PLA2G4A: variants seen among roughly 807,000 people sequenced by gnomAD.
PLA2G4A encodes phospholipase A2 group IVA.
PLA2G4A carries 40 observed loss-of-function variants against 81.9 expected under a neutral mutation model. The observed-to-expected ratio is 0.49, with a 90% confidence interval of 0.38 to 0.64. The LOEUF (loss-of-function observed/expected upper bound fraction) is 0.64. Ranked by LOEUF, PLA2G4A falls within the 30% of genes least tolerant of loss-of-function variation. The pLI, the probability that PLA2G4A is intolerant of heterozygous loss-of-function variation, is 0.00. For missense variants in PLA2G4A, 715 were observed against 905.1 expected (o/e 0.79, Z 2.69); for synonymous variants, 302 against 296.9 (o/e 1.02, Z -0.18).
chr1:186,886,777 T>A (rs1333267070), intron 3 of PLA2G4A, among the ~76,000 whole-genome samples: 1 of 152,196 alleles, frequency 6.6e-6, no homozygotes, highest in Non-Finnish European at 1.5e-5. Flanking sequence ...ATGACTGGAC[T>A]GGGCTTAATC....
Position 186,955,082 on chromosome 1 carries a change from G to A in PLA2G4A, c.1337-1020G>A, listed in dbSNP as rs1555202. On this transcript the variant is annotated intron_variant, in intron 13 of 17. Coordinates refer to ENST00000367466, the MANE Select transcript of PLA2G4A (RefSeq NM_024420.3). ...AGACCCAAGGATTCTGATTCTGGAG[G>A]CAGTGCTATAAATGACCATACAATA... Among the ~76,000 whole-genome samples, 29 of 152,272 alleles carry A rather than the reference G, an allele frequency of 1.9e-4. No individual in the cohort carries two copies. In the South Asian group the frequency reaches 5.8e-3, roughly 30 times the overall value.
At chr1:186,950,477 G>A (rs2102241271) in intron 12 of PLA2G4A, among the ~76,000 whole-genome samples, 180 bp from the exon 13 acceptor site, 1 of 152,140 alleles carries the variant, frequency 6.6e-6, no homozygotes, top group African/African-American at 2.4e-5. Context: ...TGTTTCCAGT[G>A]AGAAATCTGA....
intron 14 of PLA2G4A, among the ~76,000 whole-genome samples, chr1:186,959,173 G>A (rs1571443952): frequency 6.8e-6 from 1 of 147,422 alleles, no homozygotes; most frequent in African/African-American, 2.5e-5. Flanking sequence ...CTGCACTCCA[G>A]CCTGGGCAAC....
chr1:186,936,598 C>T (rs907394940), intron 8 of PLA2G4A, among the ~76,000 whole-genome samples: 2 of 151,920 alleles, frequency 1.3e-5, no homozygotes, highest in Non-Finnish European at 2.9e-5. Flanking sequence ...CTTTTTTAAG[C>T]ACAAAAATTC....
At chr1:186,924,949 G>A (rs4651339) in intron 7 of PLA2G4A, among the ~76,000 whole-genome samples, 38,593 of 151,822 alleles carry the variant, frequency 0.25, 5,411 homozygotes, top group Admixed American at 0.4. Context: ...TTGGGAGGCT[G>A]AGGCAGGAGG....
At chr1:186,976,489 A>G (rs1183749542) in intron 15 of PLA2G4A, among the ~76,000 whole-genome samples, 1 of 152,186 alleles carries the variant, frequency 6.6e-6, no homozygotes, top group African/African-American at 2.4e-5. Flanking sequence ...GTAAAGTATT[A>G]ATTTATTTAA....
chr1:186,854,218 C>CACCA lies in PLA2G4A; in HGVS notation c.-69-67_-69-66insCCAA. 7.6e-6 allele frequency: 5 copies of CACCA among 656,414 alleles called. No homozygotes were observed. In the South Asian group the frequency reaches 9.1e-5, roughly 12 times the overall value. The allele number at this position is 656,414 out of a possible 1,614,324, so 40.7% of individuals were successfully genotyped here. ...ACTTTTTCTTCCTAAGACGCATACTCATAATTGTTTAAATCTTAGAACTGC... is the reference window on the plus strand; with the variant it reads ...ACTTTTTCTTCCTAAGACGCATACTCACCAATAATTGTTTAAATCTTAGAACTGC... On this transcript the variant is annotated intron_variant, in intron 1 of 17. Coordinates refer to ENST00000367466, the MANE Select transcript of PLA2G4A (RefSeq NM_024420.3).
intron 2 of PLA2G4A, among the ~76,000 whole-genome samples, chr1:186,863,165 G>A (rs1652878246): frequency 6.6e-6 from 1 of 152,112 alleles, no homozygotes; most frequent in African/African-American, 2.4e-5. Flanking sequence ...GAACTCCTGG[G>A]CTCAAGCGAT....
intron 1 of PLA2G4A, among the ~76,000 whole-genome samples, chr1:186,832,890 G>C (rs1558341597): frequency 6.6e-6 from 1 of 152,126 alleles, no homozygotes; most frequent in Non-Finnish European, 1.5e-5. Context: ...CATTTTTGGA[G>C]GGTTATTTTT....
At chr1:186,846,452 A>G (rs1467869052) in intron 1 of PLA2G4A, among the ~76,000 whole-genome samples, 1 of 152,188 alleles carries the variant, frequency 6.6e-6, no homozygotes, top group Non-Finnish European at 1.5e-5. Flanking sequence ...TTATTTTGAA[A>G]TAATTTAAGA....
intron 6 of PLA2G4A, 106 bp downstream of exon 6, chr1:186,907,108 T>C (rs559669290): frequency 8.8e-6 from 6 of 682,320 alleles, no homozygotes; most frequent in South Asian, 3.4e-5. Context: ...TGTGAACATA[T>C]AGAAGTGCAT....
rs772373430 is a variant in PLA2G4A at position 186,961,208 on chromosome 1, G to A, written c.1580-4201G>A. On this transcript the variant is annotated intron_variant, in intron 14 of 17. Transcript: ENST00000367466. ...GGGGAGGAGGCAGTAGATGGAGAAAGAGGCGACCTTGCTCAAAGGGTAGAA... is the reference window on the plus strand; with the variant it reads ...GGGGAGGAGGCAGTAGATGGAGAAAAAGGCGACCTTGCTCAAAGGGTAGAA... 2.0e-4 allele frequency among the ~76,000 whole-genome samples: 30 copies of A among 152,094 alleles called. 1 individual carries two copies. The highest frequency in any genetic ancestry group is 7.9e-4 in the Admixed American group (12 of 15,266).
intron 2 of PLA2G4A, among the ~76,000 whole-genome samples, chr1:186,857,330 A>G (rs1273279009): frequency 4.2e-5 from 5 of 119,872 alleles, no homozygotes; most frequent in Non-Finnish European, 8.2e-5. Flanking sequence ...TATAATATAA[A>G]TATAATATTA....
chr1:186,984,425 A>G (rs1233128047), intron 17 of PLA2G4A, among the ~76,000 whole-genome samples: 1 of 152,222 alleles, frequency 6.6e-6, no homozygotes, highest in African/African-American at 2.4e-5. Context: ...GCATAGTCTT[A>G]GAACCAGTTA....
At position 186,889,156 on chromosome 1, in the gene PLA2G4A, C is replaced by T. The variant is rs374353633; in HGVS notation, c.116-3855C>T. Among the ~76,000 whole-genome samples the T allele has an allele frequency of 1.8e-3, 268 of 152,224 alleles. 1 individual carries two copies. Among genetic ancestry groups the T allele is most frequent in the African/African-American group, 6.3e-3 (262 of 41,530 alleles). ...CTTTGGCCCATTTCACCTTATCATC[C>T]TTCCCACTCAATCTTTTTGTTCTCT... is the stretch of plus-strand genomic sequence containing the variant. On this transcript the variant is annotated intron_variant, in intron 3 of 17. Coordinates refer to ENST00000367466, the MANE Select transcript of PLA2G4A (RefSeq NM_024420.3).
At chr1:186,884,892 CAAAA>C (rs59150767) in intron 3 of PLA2G4A, among the ~76,000 whole-genome samples, 6 of 133,760 alleles carry the variant, frequency 4.5e-5, no homozygotes, top group Admixed American at 1.5e-4. Flanking sequence ...ATCCTGTCTT[CAAAA>C]AAAAAAAAAA....
chr1:186,870,318 ATGTTTC>A (rs1653211296), intron 2 of PLA2G4A, 111 bp from the exon 3 acceptor site: 1 of 714,958 alleles, frequency 1.4e-6, no homozygotes, highest in South Asian at 1.5e-5. Flanking sequence ...ACATCAAAGA[ATGTTTC>A]TGGTATGCAT....
intron 7 of PLA2G4A, among the ~76,000 whole-genome samples, chr1:186,912,650 A>G (rs893041096): frequency 6.8e-6 from 1 of 147,208 alleles, no homozygotes; most frequent in African/African-American, 2.6e-5. Context: ...AGCACATTTC[A>G]TTTTAGTACT....
At chr1:186,878,445 T>C (rs1467507552) in intron 3 of PLA2G4A, among the ~76,000 whole-genome samples, 1 of 151,052 alleles carries the variant, frequency 6.6e-6, no homozygotes, top group Non-Finnish European at 1.5e-5. Context: ...GGTTTTGGAA[T>C]GTTTTAGAGT....
Sources: gnomAD v4.1 joint callset for allele counts (sites outside exome capture counted in the v4.1 genomes callset) on GRCh38, gnomAD v4.1.1 for gene constraint, MANE v1.5 for transcripts, NCBI Gene and HGNC (gene_info 2026-07-23, HGNC 2026-07-21) for gene names.